MCPH1: variants seen among roughly 807,000 people sequenced by gnomAD.
MCPH1 encodes microcephalin 1.
Under a neutral mutation model 84.5 loss-of-function variants are expected in MCPH1, and 104 were observed. The observed-to-expected ratio is 1.23, with a 90% CI of 1.05 to 1.45. The LOEUF is 1.45. MCPH1 is among the 40% of genes most tolerant of loss of function. The pLI, the probability that MCPH1 is intolerant of heterozygous loss-of-function variation, is 0.00. For synonymous variants in MCPH1, 514 were observed against 366.8 expected (o/e 1.40, Z -4.58); for missense variants, 1,498 against 1,005.7 (o/e 1.49, Z -6.62).
Position 6,437,929 on chromosome 8 carries a change from G to A in MCPH1, c.437-1024G>A, listed in dbSNP as rs549356241. On this transcript the variant is annotated intron_variant, in intron 5 of 13. Coordinates refer to ENST00000344683, the MANE Select transcript of MCPH1 (RefSeq NM_024596.5). ...TCTCCTTACAGTTCATCTCTGTGCT[G>A]CAGTCACAATGGTGAAAACTTTAAA... 3.3e-5 allele frequency among the ~76,000 whole-genome samples: 5 copies of A among 152,274 alleles called. No homozygotes were observed. In the East Asian group the frequency reaches 7.7e-4, roughly 24 times the overall value.
rs115293755 is a variant in MCPH1, at chr8:6,414,419, C to G, written c.115-346C>G. Among the ~76,000 whole-genome samples, 389 of 152,304 alleles carry G rather than the reference C, an allele frequency of 2.6e-3. 2 individuals carry two copies. Among genetic ancestry groups the G allele is most frequent in the African/African-American group, 9.0e-3 (376 of 41,582 alleles). ...GGTTTTATTTTTTTGATGTAGAAAG[C>G]TTTTCTGAAATGTCCATTATTATCT... On this transcript the variant is annotated intron_variant, in intron 2 of 13. Transcript: ENST00000344683.
At chr8:6,435,804 C>G (rs1194655988) in intron 4 of MCPH1, among the ~76,000 whole-genome samples, 3 of 152,146 alleles carry the variant, frequency 2.0e-5, no homozygotes, top group Non-Finnish European at 2.9e-5. Flanking sequence ...ATGCTAGGAT[C>G]ATGAAAATGT....
At chr8:6,450,832 T>TA (rs1221513401) in intron 8 of MCPH1, among the ~76,000 whole-genome samples, 2 of 152,070 alleles carry the variant, frequency 1.3e-5, no homozygotes, top group Non-Finnish European at 1.5e-5. Flanking sequence ...AGCCTCAACT[T>TA]ACTGGGCTCA....
chr8:6,643,003 C>G lies in MCPH1; in HGVS notation c.2462C>G (p.Thr821Ser). Residue 821 changes from threonine to serine, a missense_variant, in exon 14 of 14, where the codon ACC becomes AGC. Coordinates refer to ENST00000344683, the MANE Select transcript of MCPH1 (RefSeq NM_024596.5). ...TTCGCTCTCTCTCTAGATTCCATCA[C>G]CCAGCACAAGGTCTGTGCCCCTGAA... The part of the protein sequence containing the change: ...LSEKWVLDSI[T>S]QHKVCAPENY... 1 of 1,614,074 alleles carries G rather than the reference C, an allele frequency of 6.2e-7. No homozygotes were observed. The highest frequency in any genetic ancestry group is 8.5e-7 in the Non-Finnish European group (1 of 1,179,954).
chr8:6,412,258 A>G (rs1798644204), intron 2 of MCPH1, among the ~76,000 whole-genome samples: 1 of 152,194 alleles, frequency 6.6e-6, no homozygotes, highest in East Asian at 1.9e-4. Context: ...CATGTTGCAC[A>G]TGCCTAACAT....
intron 5 of MCPH1, among the ~76,000 whole-genome samples, chr8:6,437,981 A>G (rs1802927290): frequency 6.6e-6 from 1 of 152,224 alleles, no homozygotes; most frequent in Admixed American, 6.5e-5. Context: ...TCCCTGGTTT[A>G]AAATTTCCTG....
At chr8:6,601,807 A>ACCCAATCACATACCACATATACCCACAC (rs1359063074) in intron 12 of MCPH1, among the ~76,000 whole-genome samples, 1 of 151,852 alleles carries the variant, frequency 6.6e-6, no homozygotes, top group African/African-American at 2.4e-5. Flanking sequence ...ACACACACAC[A>ACCCAATCACATACCACATATACCCACAC]AGCCTTTCCT....
chr8:6,625,208 T>A, intron 13 of MCPH1: 1 of 985,430 alleles, frequency 1.0e-6, no homozygotes, highest in Non-Finnish European at 1.2e-6. Flanking sequence ...TGCATTTACT[T>A]CATGTATAAA....
chr8:6,601,361 C>G (rs1829345104), intron 12 of MCPH1, among the ~76,000 whole-genome samples: 2 of 152,250 alleles, frequency 1.3e-5, no homozygotes, highest in East Asian at 3.9e-4. Context: ...TCTCCTTAAA[C>G]TGCCCTCCTC....
At chr8:6,590,202 C>CAA (rs1299390970) in intron 12 of MCPH1, among the ~76,000 whole-genome samples, 1,064 of 77,122 alleles carry the variant, frequency 0.014, 13 homozygotes, top group African/African-American at 0.05. Flanking sequence ...GTTAAGTGAA[C>CAA]AACAAAAAAA....
intron 12 of MCPH1, among the ~76,000 whole-genome samples, chr8:6,589,080 C>T (rs956923258): frequency 2.0e-5 from 3 of 152,302 alleles, no homozygotes; most frequent in Admixed American, 1.3e-4. Flanking sequence ...TATTAAAACA[C>T]CTGGATGATG....
chr8:6,518,265 A>T (rs1203090028), intron 12 of MCPH1, among the ~76,000 whole-genome samples: 1 of 152,166 alleles, frequency 6.6e-6, no homozygotes, highest in Non-Finnish European at 1.5e-5. Flanking sequence ...GGCCAAGAAC[A>T]CGCCAACATC....
intron 11 of MCPH1, among the ~76,000 whole-genome samples, chr8:6,485,167 A>G (rs1311596780): frequency 1.3e-5 from 2 of 152,236 alleles, no homozygotes; most frequent in East Asian, 1.9e-4. Flanking sequence ...TCTACTAAAA[A>G]TAGAAAAATT....
intron 9 of MCPH1, among the ~76,000 whole-genome samples, chr8:6,461,724 G>T (rs1806319959): frequency 6.6e-6 from 1 of 152,124 alleles, no homozygotes; most frequent in African/African-American, 2.4e-5. Flanking sequence ...CATTGACATT[G>T]ATAGTTATAC....
chr8:6,598,623 C>T (rs1039502596), intron 12 of MCPH1, among the ~76,000 whole-genome samples: 3 of 152,234 alleles, frequency 2.0e-5, no homozygotes, highest in Non-Finnish European at 4.4e-5. Context: ...ACACCATTTC[C>T]CCCAAGCGAC....
At chr8:6,471,740 A>C (rs1396341547) in intron 9 of MCPH1, among the ~76,000 whole-genome samples, 1 of 152,186 alleles carries the variant, frequency 6.6e-6, no homozygotes, top group East Asian at 1.9e-4. Flanking sequence ...TCTCAGCATT[A>C]TTTAGACAAT....
intron 12 of MCPH1, among the ~76,000 whole-genome samples, chr8:6,596,111 T>C (rs1446148590): frequency 2.0e-5 from 3 of 152,222 alleles, no homozygotes; most frequent in Non-Finnish European, 2.9e-5. Flanking sequence ...GGCCCTTTTA[T>C]GCTTGCCAAG....
intron 13 of MCPH1, chr8:6,622,261 G>T (rs930167233): frequency 1.2e-5 from 2 of 168,058 alleles, no homozygotes; most frequent in African/African-American, 4.8e-5. Flanking sequence ...CAGGCGCCGT[G>T]TGCGATTCTG....
At position 6,473,825 on chromosome 8, in the gene MCPH1, G is replaced by T. The variant is rs116405243; in HGVS notation, c.1936-3769G>T. The T allele has an allele frequency of 6.6e-4, 872 of 1,318,112 alleles. 7 individuals are homozygous for T. The African/African-American group carries it at 9.8e-3, about 15-fold the overall frequency. 81.7% of individuals were successfully genotyped at this position (1,318,112 alleles called of 1,614,324 possible). Reference sequence around the variant, plus strand: ...AGATATCAGCAAGAGTGATTGTAAAGTAGCTAGCCTTATAAGTCAAGAGTT... The same window carrying T: ...AGATATCAGCAAGAGTGATTGTAAATTAGCTAGCCTTATAAGTCAAGAGTT... On this transcript the variant is annotated intron_variant, in intron 9 of 13. Coordinates refer to ENST00000344683, the MANE Select transcript of MCPH1 (RefSeq NM_024596.5).
Sources: gnomAD v4.1 joint callset for allele counts (sites outside exome capture counted in the v4.1 genomes callset) on GRCh38, gnomAD v4.1.1 for gene constraint, MANE v1.5 for transcripts, NCBI Gene and HGNC (gene_info 2026-07-23, HGNC 2026-07-21) for gene names.